PCDH15: variants seen among roughly 807,000 people sequenced by gnomAD.
The protein encoded by PCDH15 is protocadherin-15.
In PCDH15, 129 loss-of-function variants were observed where a neutral mutation model predicts 178.5. The ratio of observed to expected loss-of-function variants is 0.72; its 90% confidence interval spans 0.63 to 0.84. The LOEUF (loss-of-function observed/expected upper bound fraction) is 0.84, where lower values mean the gene tolerates loss of function less well. Among genes scored for constraint, PCDH15 ranks in the 40% least tolerant of loss-of-function variants. PCDH15 has a pLI of 0.00. For missense variants in PCDH15, 2,230 were observed against 2,099.9 expected, an observed-to-expected ratio of 1.06 and a Z score of -1.21; for synonymous variants, 800 against 732.0, an observed-to-expected ratio of 1.09 and a Z score of -1.50.
At chr10:55,162,793 A>C (rs563664807) in intron 2 of PCDH15, among the ~76,000 whole-genome samples, 29 of 152,264 alleles carry the variant, frequency 1.9e-4, no homozygotes, top group African/African-American at 7.0e-4. Flanking sequence ...ATGATGCAGT[A>C]GAACCTACTA....
At chr10:54,106,642 G>A (rs966381155) in intron 15 of PCDH15, among the ~76,000 whole-genome samples, 23 of 152,156 alleles carry the variant, frequency 1.5e-4, no homozygotes, top group Non-Finnish European at 5.9e-5. Context: ...TGCTTCAAGT[G>A]GTATAGGATT....
At chr10:54,673,862 T>C (rs566252754) in intron 1 of PCDH15, among the ~76,000 whole-genome samples, 32 of 152,334 alleles carry the variant, frequency 2.1e-4, no homozygotes, top group African/African-American at 7.7e-4. Flanking sequence ...CTTTAATATG[T>C]ACTTTTTAAC....
chr10:54,744,873 C>A (rs1054874547), intron 1 of PCDH15, among the ~76,000 whole-genome samples: 3 of 151,956 alleles, frequency 2.0e-5, no homozygotes, highest in African/African-American at 7.3e-5. Flanking sequence ...AGTAAGGGAG[C>A]AGGAAATGAC....
chr10:55,238,145 C>CTTTTTTTTTTT (rs758000610), intron 1 of PCDH15, among the ~76,000 whole-genome samples: 1 of 124,460 alleles, frequency 8.0e-6, no homozygotes, highest in African/African-American at 3.0e-5. Context: ...TTCATATTTT[C>CTTTTTTTTTTT]TTTTTTTTTT....
chr10:53,987,941 G>T (rs1351600830), intron 21 of PCDH15, among the ~76,000 whole-genome samples: 1 of 152,110 alleles, frequency 6.6e-6, no homozygotes, highest in Non-Finnish European at 1.5e-5. Context: ...TCTATTTCCA[G>T]GTTTTTCTCT....
chr10:55,334,266 G>A (rs1844307806), intron 2 of PCDH15, among the ~76,000 whole-genome samples: 2 of 127,708 alleles, frequency 1.6e-5, no homozygotes, highest in Admixed American at 1.5e-4. Context: ...GTGTGTGTGT[G>A]TGTGTGTGTG....
intron 8 of PCDH15, among the ~76,000 whole-genome samples, chr10:54,257,177 T>A (rs2056968741): frequency 6.6e-6 from 1 of 152,042 alleles, no homozygotes; most frequent in Non-Finnish European, 1.5e-5. Context: ...GTTGAAAATA[T>A]AATTGTAAAG....
chr10:55,118,979 C>T (rs989121020), intron 2 of PCDH15, among the ~76,000 whole-genome samples: 1 of 152,128 alleles, frequency 6.6e-6, no homozygotes, highest in African/African-American at 2.4e-5. Flanking sequence ...TGATGTCTTG[C>T]GGTTGCTTGA....
chr10:55,104,960 A>G (rs1842642489), intron 2 of PCDH15, among the ~76,000 whole-genome samples: 2 of 152,224 alleles, frequency 1.3e-5, no homozygotes, highest in Admixed American at 6.5e-5. Context: ...TTAAGCAGAT[A>G]CGCACAGCAC....
chr10:54,810,091 C>T (rs1277925745), intron 3 of PCDH15, among the ~76,000 whole-genome samples: 1 of 152,048 alleles, frequency 6.6e-6, no homozygotes, highest in Non-Finnish European at 1.5e-5. Flanking sequence ...TAAATAGCCT[C>T]AAGATGCTCC....
chr10:54,482,955 T>C (rs1403410637), intron 3 of PCDH15, among the ~76,000 whole-genome samples: 1 of 151,736 alleles, frequency 6.6e-6, no homozygotes, highest in Admixed American at 6.6e-5. Context: ...ATCTAAACAA[T>C]GATAAGCAGG....
At chr10:54,519,589 C>T (rs1012038562) in intron 3 of PCDH15, among the ~76,000 whole-genome samples, 3 of 152,140 alleles carry the variant, frequency 2.0e-5, no homozygotes, top group Non-Finnish European at 4.4e-5. Context: ...AAGAACATTC[C>T]ATGCTCATGG....
At chr10:54,097,499 T>C (rs1264046115) in intron 15 of PCDH15, among the ~76,000 whole-genome samples, 1 of 152,216 alleles carries the variant, frequency 6.6e-6, no homozygotes, top group African/African-American at 2.4e-5. Context: ...TATTTTCCCA[T>C]GCACTTCCTC....
intron 3 of PCDH15, among the ~76,000 whole-genome samples, chr10:54,410,996 C>A (rs1953407980): frequency 6.6e-6 from 1 of 152,028 alleles, no homozygotes; most frequent in Admixed American, 6.6e-5. Flanking sequence ...GTAGAATTTG[C>A]AAAGAATTGA....
intron 3 of PCDH15, among the ~76,000 whole-genome samples, chr10:54,877,936 C>CTTTTTTTTTTTTTTTTTTT (rs1954176789): frequency 9.6e-6 from 1 of 104,324 alleles, no homozygotes; most frequent in Non-Finnish European, 2.0e-5. Context: ...CTCTCTCTCT[C>CTTTTTTTTTTTTTTTTTTT]TCTTTTTTTT....
intron 26 of PCDH15, among the ~76,000 whole-genome samples, chr10:53,881,446 A>C (rs1232764168): frequency 6.6e-6 from 1 of 152,184 alleles, no homozygotes; most frequent in Admixed American, 6.5e-5. Context: ...TAAATGTATA[A>C]AAATAAAAAA....
rs73254011 is a variant in PCDH15, at chr10:54,828,896, A to G, written c.-29+68554T>C. ...AGGGAGTCCTTTCTCAGATGAGACT[A>G]TTAGCAGAGACCTGAATGTACTACA... On this transcript the variant is annotated intron_variant, in intron 3 of 5. Coordinates refer to the PCDH15 transcript ENST00000458638. 3.7e-3 allele frequency among the ~76,000 whole-genome samples: 560 copies of G among 152,116 alleles called. 1 individual carries two copies. The highest frequency in any genetic ancestry group is 0.013 in the African/African-American group (538 of 41,552).
At chr10:54,736,303 A>G (rs965697996) in intron 1 of PCDH15, among the ~76,000 whole-genome samples, 2 of 152,088 alleles carry the variant, frequency 1.3e-5, no homozygotes, top group Non-Finnish European at 2.9e-5. Flanking sequence ...GATTTTATCA[A>G]TCACAAGTTT....
At chr10:53,881,980 G>T (rs1345584206) in intron 26 of PCDH15, among the ~76,000 whole-genome samples, 2 of 137,274 alleles carry the variant, frequency 1.5e-5, no homozygotes, top group Admixed American at 1.7e-4. Context: ...ATTATGAATT[G>T]CCCACTTGCT....
Sources: allele counts gnomAD v4.1 joint callset (sites outside exome capture counted in the v4.1 genomes callset), GRCh38; gene constraint gnomAD v4.1.1; transcripts MANE v1.5; gene names NCBI Gene and HGNC (gene_info 2026-07-23, HGNC 2026-07-21).